Variants in ZFP1 observed in about 807,000 individuals in gnomAD.
ZFP1 encodes the protein zinc finger protein 1 homolog.
In ZFP1, 32 loss-of-function variants were observed where a neutral mutation model predicts 38.5. That is an observed-to-expected ratio of 0.83 (90% CI 0.63 to 1.12). The LOEUF (loss-of-function observed/expected upper bound fraction) is 1.12. Ranked by LOEUF, ZFP1 falls within the 50% of genes most tolerant of loss-of-function variation. The pLI, the probability that ZFP1 is intolerant of heterozygous loss-of-function variation, is 0.00. For synonymous variants in ZFP1, 245 were observed against 168.8 expected, an observed-to-expected ratio of 1.45 and a Z score of -3.50; for missense variants, 616 against 480.8, an observed-to-expected ratio of 1.28 and a Z score of -2.63.
At chr16:75,146,250 C>T (rs1281069735), upstream of ZFP1, among the ~76,000 whole-genome samples, 1 of 151,958 alleles carries the variant, frequency 6.6e-6, no homozygotes, top group Non-Finnish European at 1.5e-5. Context: ...GCAAGCTCCG[C>T]CTCCCAGGTT....
intron 2 of ZFP1, among the ~76,000 whole-genome samples, chr16:75,160,741 C>T (rs1167899855): frequency 6.6e-5 from 10 of 151,908 alleles, no homozygotes; most frequent in Non-Finnish European, 2.9e-5. Flanking sequence ...TGGTGAAGGC[C>T]TGGTCTCTTC....
chr16:75,120,450 C>G, the ZFP1 span, among the ~76,000 whole-genome samples: 1 of 151,872 alleles, frequency 6.6e-6, no homozygotes, highest in Non-Finnish European at 1.5e-5. Flanking sequence ...TGTAAACAGG[C>G]AAGTTCGTCT....
chr16:75,161,729 A>C (rs2037785628), intron 2 of ZFP1, among the ~76,000 whole-genome samples: 1 of 123,280 alleles, frequency 8.1e-6, no homozygotes, highest in Admixed American at 9.9e-5. Context: ...TTTCACAGAA[A>C]TACAAATAAA....
intron 3 of ZFP1, among the ~76,000 whole-genome samples, chr16:75,167,352 A>T (rs1430420755): frequency 1.3e-5 from 2 of 152,090 alleles, no homozygotes; most frequent in Non-Finnish European, 1.5e-5. Flanking sequence ...CCTGTACCTC[A>T]ATCTCTGAAG....
the ZFP1 span, among the ~76,000 whole-genome samples, chr16:75,140,445 A>T: frequency 6.6e-6 from 1 of 152,108 alleles, no homozygotes. Flanking sequence ...CTGTCCCCTC[A>T]ACTCCTGCTA....
chr16:75,135,578 A>C, the ZFP1 span, among the ~76,000 whole-genome samples: 1 of 152,188 alleles, frequency 6.6e-6, no homozygotes, highest in African/African-American at 2.4e-5. Context: ...GCTGTCCTCG[A>C]GTCTGGGCAA....
intron 3 of ZFP1, 79 bp downstream of exon 3, chr16:75,166,975 C>T (rs2038123809): frequency 1.3e-6 from 2 of 1,537,132 alleles, no homozygotes; most frequent in Non-Finnish European, 1.7e-6. Flanking sequence ...AAATGAGCTT[C>T]TGAATTACTA....
At chr16:75,125,789 G>A in the ZFP1 span, among the ~76,000 whole-genome samples, 1 of 151,070 alleles carries the variant, frequency 6.6e-6, no homozygotes, top group Non-Finnish European at 1.5e-5. Context: ...ATGACTGTAA[G>A]CCCAGCACTT....
chr16:75,167,786 A>G (rs1043984968), intron 3 of ZFP1, among the ~76,000 whole-genome samples: 2 of 152,088 alleles, frequency 1.3e-5, no homozygotes, highest in Admixed American at 6.6e-5. Flanking sequence ...TTTTGTAGAG[A>G]CAAGTTCTCT....
rs986254788 is a variant in ZFP1, at chr16:75,172,178, A to G, written c.*1844A>G. The G allele has an allele frequency of 1.3e-5, 2 of 152,196 alleles. No individual in the cohort carries two copies. Among genetic ancestry groups the G allele is most frequent in the Admixed American group, 6.5e-5 (1 of 15,282 alleles). The allele number at this position is 152,196 out of a possible 1,614,324, so 9.4% of individuals were successfully genotyped here. A position where few individuals can be genotyped will look rare whatever the true frequency, so the allele number is the denominator to read the frequency against. On this transcript the variant is annotated 3_prime_UTR_variant, in exon 4 of 4. Coordinates refer to ENST00000570010, the MANE Select transcript of ZFP1 (RefSeq NM_153688.4). ...TCAAATGAGGAAAGCAAGAGGGGAG[A>G]GAGAGAGTGTATGTGTGTGTGTAGC...
the ZFP1 span, among the ~76,000 whole-genome samples, chr16:75,119,047 C>T: frequency 6.6e-6 from 1 of 152,202 alleles, no homozygotes; most frequent in Non-Finnish European, 1.5e-5. Flanking sequence ...AGTGACGTCT[C>T]AAGTCTCCCC....
At chr16:75,145,010 A>C (rs1314626153), upstream of ZFP1, among the ~76,000 whole-genome samples, 1 of 152,144 alleles carries the variant, frequency 6.6e-6, no homozygotes, top group African/African-American at 2.4e-5. Context: ...TATTTCACTT[A>C]GTGTATTTTC....
chr16:75,159,094 G>A (rs933419816), intron 2 of ZFP1, among the ~76,000 whole-genome samples: 5 of 151,830 alleles, frequency 3.3e-5, no homozygotes, highest in Non-Finnish European at 2.9e-5. Context: ...ATGGAATTTC[G>A]TTGTGTTGTC....
rs574629204 is a variant in ZFP1 at position 75,158,938 on chromosome 16, C to T, written c.15+5972C>T. On this transcript the variant is annotated intron_variant, in intron 2 of 3. Coordinates refer to ENST00000570010, the MANE Select transcript of ZFP1 (RefSeq NM_153688.4). ...TTTTTTTTTTGAGACAGAGTCTTGC[C>T]CAGACTAGAGTGCAGTGGCTTGATC... Among the ~76,000 whole-genome samples the T allele has an allele frequency of 1.8e-3, 270 of 149,408 alleles. 1 individual carries two copies. The highest frequency in any genetic ancestry group is 6.3e-3 in the African/African-American group (254 of 40,486).
intron 2 of ZFP1, 71 bp from the exon 3 acceptor site, chr16:75,166,699 T>A (rs369865545): frequency 1.2e-6 from 1 of 855,986 alleles, no homozygotes; most frequent in Non-Finnish European, 1.8e-6. Context: ...ATGAATGACA[T>A]AAAGTTTTCA....
rs2038409234 is a variant in ZFP1, at chr16:75,171,196, AAC to A, written c.*866_*867del. The A allele has an allele frequency of 6.6e-6, 1 of 152,216 alleles. No individual in the cohort carries two copies. Among genetic ancestry groups the A allele is most frequent in the South Asian group, 2.1e-4 (1 of 4,838 alleles). The allele number at this position is 152,216 out of a possible 1,614,324, so 9.4% of individuals were successfully genotyped here. A position where few individuals can be genotyped will look rare whatever the true frequency, so the allele number is the denominator to read the frequency against. ...CATGTCTGTTACCAAAATATTGTGT[AAC>A]ACAGACAGAAACCACCTGTTTTTGT... is the stretch of plus-strand genomic sequence containing the variant. On this transcript the variant is annotated 3_prime_UTR_variant, in exon 4 of 4. Transcript: ENST00000570010.
At position 75,169,916 on chromosome 16, in the gene ZFP1, A is replaced by C; in HGVS notation, c.806A>C (p.Glu269Ala). 6.2e-7 allele frequency: 1 copy of C among 1,614,220 alleles called. No individual in the cohort carries two copies. Among genetic ancestry groups the C allele is most frequent in the Non-Finnish European group, 8.5e-7 (1 of 1,180,038 alleles). ...QRAHMEKKPY[E>A]CSECGKTFAQ... Reference sequence around the variant, plus strand: ...GCACATATGGAGAAGAAGCCCTATGAGTGCAGTGAATGTGGAAAGACATTT... The same window carrying C: ...GCACATATGGAGAAGAAGCCCTATGCGTGCAGTGAATGTGGAAAGACATTT... Residue 269 changes from glutamate to alanine, a missense_variant, in exon 4 of 4, where the codon GAG becomes GCG. Transcript: ENST00000570010.
the ZFP1 span, among the ~76,000 whole-genome samples, chr16:75,136,771 T>A: frequency 1.1e-4 from 16 of 152,130 alleles, no homozygotes; most frequent in African/African-American, 3.6e-4. Flanking sequence ...TTTGGGAGAC[T>A]GAGGCAGGAA....
upstream of ZFP1, among the ~76,000 whole-genome samples, chr16:75,146,129 A>G (rs1045627978): frequency 6.6e-6 from 1 of 151,588 alleles, no homozygotes; most frequent in Admixed American, 6.6e-5. Flanking sequence ...TCTCATTAAC[A>G]TACTGTTACC....
Sources: gnomAD v4.1 joint callset for allele counts (sites outside exome capture counted in the v4.1 genomes callset) on GRCh38, gnomAD v4.1.1 for gene constraint, MANE v1.5 for transcripts, NCBI Gene and HGNC (gene_info 2026-07-23, HGNC 2026-07-21) for gene names.